The following PTPRH variants were observed in gnomAD, a reference collection of about 807,000 sequenced individuals.
The protein encoded by PTPRH is receptor-type tyrosine-protein phosphatase H.
In PTPRH, 113 loss-of-function variants were observed where a neutral mutation model predicts 130.2. The ratio of observed to expected loss-of-function variants is 0.87; its 90% CI spans 0.75 to 1.01. The LOEUF (loss-of-function observed/expected upper bound fraction) is 1.01, where lower values mean the gene tolerates loss of function less well. Among genes scored for constraint, PTPRH ranks in the 50% least tolerant of loss-of-function variants. PTPRH has a pLI of 0.00. For synonymous variants in PTPRH, 556 were observed against 577.9 expected, an observed-to-expected ratio of 0.96 and a Z score of 0.54; for missense variants, 1,430 against 1,425.0, an observed-to-expected ratio of 1.00 and a Z score of -0.06.
At position 55,207,289 on chromosome 19, in the gene PTPRH, G is replaced by A. The variant is rs188795831; in HGVS notation, c.52-90C>T. ...GGGCTGGGAGGAGCGGCTGGTCCCC[G>A]CCCCATGAGTCACCCTTGCATGGGA... is the stretch of plus-strand genomic sequence containing the variant. On this transcript the variant is annotated intron_variant, in intron 1 of 19. Coordinates refer to ENST00000376350, the MANE Select transcript of PTPRH (RefSeq NM_002842.5). 18 of 1,404,242 alleles carry A rather than the reference G, an allele frequency of 1.3e-5. No individual in the cohort carries two copies. In the African/African-American group the frequency reaches 1.6e-4, roughly 12 times the overall value. 87.0% of individuals were successfully genotyped at this position (1,404,242 alleles called of 1,614,324 possible).
At position 55,186,240 on chromosome 19, in the gene PTPRH, G is replaced by A; in HGVS notation, c.2763C>T (p.Cys921=). The part of the protein sequence containing the change: ...QSHTLVMLTN[C]MEAGRVKCEH... ...GATCTCTCACCCGGCCGGCCTCCAT[G>A]CAGTTGGTCAGCATGACCAGGGTGT... The change falls in exon 16 of 20, where the codon TGC becomes TGT. Residue 921 remains cysteine (C), a synonymous_variant. Coordinates refer to ENST00000376350, the MANE Select transcript of PTPRH (RefSeq NM_002842.5). The A allele has an allele frequency of 6.2e-7, 1 of 1,610,932 alleles. No individual in the cohort carries two copies. Among genetic ancestry groups the A allele is most frequent in the Non-Finnish European group, 8.5e-7 (1 of 1,177,604 alleles).
chr19:55,196,620 C>T lies in PTPRH; in HGVS notation c.2159G>A (p.Gly720Asp), dbSNP rs1348441374. Residue 720 changes from glycine (G) to aspartate (D), a missense_variant, in exon 10 of 20, where the codon GGT (glycine) becomes GAT (aspartate). Gly to Asp is a moderately conservative substitution (Grantham distance 94). Transcript: ENST00000376350. ...TGGGTAGGACCGAGCCGGCCCGAGA[C>T]CCAACACAGACACAGCCTCCCCACA... ...SSCGEAVSVL[G>D]LGPARSYPAT... 3 of 1,613,896 alleles carry T rather than the reference C, an allele frequency of 1.9e-6. No homozygotes were observed. Among genetic ancestry groups the T allele is most frequent in the Non-Finnish European group, 2.5e-6 (3 of 1,179,984 alleles).
At position 55,191,746 on chromosome 19, in the gene PTPRH, G is replaced by T. The variant is rs747200105; in HGVS notation, c.2258-5C>A. 4.3e-6 allele frequency: 7 copies of T among 1,612,448 alleles called. No individual in the cohort carries two copies. The highest frequency in any genetic ancestry group is 5.9e-6 in the Non-Finnish European group (7 of 1,178,636). On this transcript the variant is annotated splice_region_variant and splice_polypyrimidine_tract_variant and intron_variant, in intron 10 of 19. Coordinates refer to ENST00000376350, the MANE Select transcript of PTPRH (RefSeq NM_002842.5). Reference sequence around the variant, plus strand: ...CAAAGGCTCCGGCAATGACCCCTGTGGGGAGGAGGCATCGGGAACCCTCAG... The same window carrying T: ...CAAAGGCTCCGGCAATGACCCCTGTTGGGAGGAGGCATCGGGAACCCTCAG...
intron 10 of PTPRH, among the ~76,000 whole-genome samples, chr19:55,195,329 A>AAAT (rs1282707410): frequency 1.3e-5 from 2 of 150,408 alleles, no homozygotes; most frequent in African/African-American, 4.9e-5. Context: ...CCGCCTCAAA[A>AAAT]AATAAAAAAT....
chr19:55,200,152 C>T, intron 7 of PTPRH, 84 bp downstream of exon 7: 2 of 1,487,020 alleles, frequency 1.3e-6, no homozygotes, highest in Non-Finnish European at 1.8e-6. Context: ...GACTACAGAG[C>T]CAGAGCCCAG....
chr19:55,199,757 G>GAA (rs1555879682), intron 7 of PTPRH, among the ~76,000 whole-genome samples: 1 of 93,862 alleles, frequency 1.1e-5, no homozygotes, highest in African/African-American at 4.6e-5. Context: ...AGGAAAGAAA[G>GAA]AGAAAGAGAA....
At chr19:55,185,141 C>T (rs2086281764) in intron 18 of PTPRH, among the ~76,000 whole-genome samples, 1 of 151,880 alleles carries the variant, frequency 6.6e-6, no homozygotes, top group African/African-American at 2.4e-5. Context: ...ATTACAGGTG[C>T]CCGCCACGAC....
intron 10 of PTPRH, chr19:55,191,957 T>G: frequency 1.5e-6 from 1 of 659,714 alleles, no homozygotes. Flanking sequence ...GCCCCTCTCC[T>G]ACCTCCTCCT....
chr19:55,209,360 C>A lies in PTPRH; in HGVS notation c.51+23G>T, dbSNP rs376900719. 1.9e-6 allele frequency: 3 copies of A among 1,558,192 alleles called. No individual in the cohort carries two copies. Among genetic ancestry groups the A allele is most frequent in the Non-Finnish European group, 2.6e-6 (3 of 1,150,404 alleles). ...CCTGGGAGTCCCTGCCTTGGGAGCCCGCTCTGGGCGGGGAGCACTTACCAG... is the reference window on the plus strand; with the variant it reads ...CCTGGGAGTCCCTGCCTTGGGAGCCAGCTCTGGGCGGGGAGCACTTACCAG... On this transcript the variant is annotated intron_variant, in intron 1 of 19. Transcript: ENST00000376350. This position sits in a 1 kb window ranked among gnomAD's most constrained non-coding sequence, Gnocchi z 4.1.
At chr19:55,207,061 C>T in intron 2 of PTPRH, 105 bp downstream of exon 2, 1 of 1,572,566 alleles carries the variant, frequency 6.4e-7, no homozygotes, top group Non-Finnish European at 8.6e-7. Flanking sequence ...CGCTCATAAA[C>T]CCCTACCATG....
At chr19:55,183,660 G>A (rs1390102792) in intron 18 of PTPRH, among the ~76,000 whole-genome samples, 1 of 151,968 alleles carries the variant, frequency 6.6e-6, no homozygotes, top group African/African-American at 2.4e-5. Context: ...GGAGGTGGAG[G>A]TTGCAGTGAG....
At chr19:55,183,726 CA>C (rs375989940) in intron 18 of PTPRH, among the ~76,000 whole-genome samples, 1 of 150,072 alleles carries the variant, frequency 6.7e-6, no homozygotes, top group African/African-American at 2.4e-5. Context: ...TCTGTCTCCA[CA>C]AAAAAAAATA....
chr19:55,201,284 G>A (rs549520494), intron 6 of PTPRH, among the ~76,000 whole-genome samples: 2 of 152,238 alleles, frequency 1.3e-5, no homozygotes, highest in South Asian at 2.1e-4. Context: ...GGCTGAGGTC[G>A]GCGGATTGCT....
intron 10 of PTPRH, among the ~76,000 whole-genome samples, chr19:55,195,325 C>CAAAAAAT (rs140017534): frequency 0.082 from 12,324 of 149,428 alleles, 1,083 homozygotes; most frequent in Admixed American, 0.23. Flanking sequence ...AACTCCGCCT[C>CAAAAAAT]AAAAAATAAA....
Position 55,187,594 on chromosome 19 carries a change from G to C in PTPRH, c.2485C>G (p.Leu829Val). 6.2e-7 allele frequency: 1 copy of C among 1,612,478 alleles called. No individual in the cohort carries two copies. The stretch of plus-strand genomic sequence containing the variant: ...ATCTGAGACTGGCTGTGGCCCACCA[G>C]GGAGAGTTGCTGGGGATGCAGGGAG... Reference protein sequence around the residue: ...GFADEYQQLSLVGHSQSQMVA... With the variant: ...GFADEYQQLSVVGHSQSQMVA... Residue 829 changes from leucine to valine, a missense_variant, in exon 14 of 20, where the codon CTG (leucine) becomes GTG (valine). Physicochemically the swap from Leu to Val is conservative, Grantham distance 32. Transcript: ENST00000376350.
chr19:55,205,452 T>C lies in PTPRH; in HGVS notation c.493A>G (p.Thr165Ala). The C allele has an allele frequency of 6.2e-7, 1 of 1,614,110 alleles. No individual in the cohort carries two copies. Among genetic ancestry groups the C allele is most frequent in the Non-Finnish European group, 8.5e-7 (1 of 1,180,024 alleles). Residue 165 changes from threonine (T) to alanine (A), a missense_variant, in exon 4 of 20, where the codon ACT (threonine) becomes GCT (alanine). Thr to Ala is a moderately conservative substitution (Grantham distance 58). Transcript: ENST00000376350. Reference protein sequence around the residue: ...EYTGDGGRAGTRSTAHTNITV... With the variant: ...EYTGDGGRAGARSTAHTNITV... ...ATGTTAGTGTGTGCTGTGCTTCGAGTCCCTGCTCTGCCACCATCTCCAGTG... is the reference window on the plus strand; with the variant it reads ...ATGTTAGTGTGTGCTGTGCTTCGAGCCCCTGCTCTGCCACCATCTCCAGTG...
chr19:55,197,524 C>A, intron 8 of PTPRH, 108 bp from the exon 9 acceptor site: 1 of 1,086,832 alleles, frequency 9.2e-7, no homozygotes, highest in East Asian at 2.4e-5. Flanking sequence ...ATTGATGGCT[C>A]CAGTGGCTAA....
At chr19:55,189,753 G>A (rs1247991585) in intron 12 of PTPRH, 6 of 455,746 alleles carry the variant, frequency 1.3e-5, no homozygotes, top group Admixed American at 1.2e-4. Flanking sequence ...GGCCGAGGTG[G>A]AAGGGCTGCT....
intron 18 of PTPRH, among the ~76,000 whole-genome samples, chr19:55,185,269 C>T (rs2147375262): frequency 6.6e-6 from 1 of 152,282 alleles, no homozygotes; most frequent in Non-Finnish European, 1.5e-5. Context: ...CTAGGATTTA[C>T]AGGCATGAGC....
Sources: allele counts gnomAD v4.1 joint callset (sites outside exome capture counted in the v4.1 genomes callset), GRCh38; gene constraint gnomAD v4.1.1; non-coding constraint Gnocchi (gnomAD v3.1); transcripts MANE v1.5; gene names NCBI Gene and HGNC (gene_info 2026-07-23, HGNC 2026-07-21).